Variants in DPP6 observed in about 807,000 individuals in gnomAD.
The protein encoded by DPP6 is dipeptidyl peptidase like 6.
DPP6 carries 69 observed loss-of-function variants against 122.6 expected under a neutral mutation model. The ratio of observed to expected loss-of-function variants is 0.56; its 90% CI spans 0.46 to 0.69. The LOEUF (loss-of-function observed/expected upper bound fraction) is 0.69, where lower values mean the gene tolerates loss of function less well. Among genes scored for constraint, DPP6 ranks in the 30% least tolerant of loss-of-function variants. DPP6 has a pLI of 0.00. For missense variants in DPP6, 928 were observed against 1,116.9 expected (o/e 0.83, Z 2.41); for synonymous variants, 418 against 433.1 (o/e 0.97, Z 0.43).
At position 154,094,125 on chromosome 7, in the gene DPP6, G is replaced by A. The variant is rs1322628249; in HGVS notation, c.243+41062G>A. On this transcript the variant is annotated intron_variant, in intron 1 of 25. Coordinates refer to ENST00000377770, the MANE Select transcript of DPP6 (RefSeq NM_130797.4). The stretch of plus-strand genomic sequence containing the variant: ...TATATTGAATCCTAGCTAGACAGAC[G>A]GTATCCCCGGGAGAACTCCTCCTTG... The A allele has an allele frequency of 2.0e-5, 3 of 152,114 alleles. No homozygotes were observed. In the East Asian group the frequency reaches 5.8e-4, roughly 29 times the overall value. 9.4% of individuals were successfully genotyped at this position (152,114 alleles called of 1,614,324 possible).
rs1400522436 is a variant in DPP6 at position 154,875,376 on chromosome 7, C to T, written c.1884-530C>T. On this transcript the variant is annotated intron_variant, in intron 19 of 25. Transcript: ENST00000377770. The surrounding 1 kb of genome is among the most constrained non-coding windows in gnomAD (Gnocchi z 4.5). ...CTGCCCAGAGCCAATGGCTCCTTGA[C>T]TCCCGAGCAGAGGGAGGGAGAAAGG... is the stretch of plus-strand genomic sequence containing the variant. 6.6e-6 allele frequency among the ~76,000 whole-genome samples: 1 copy of T among 152,110 alleles called. No homozygotes were observed. Among genetic ancestry groups the T allele is most frequent in the African/African-American group, 2.4e-5 (1 of 41,424 alleles).
upstream of DPP6, among the ~76,000 whole-genome samples, chr7:153,886,627 G>A (rs553915208): frequency 1.3e-5 from 2 of 152,324 alleles, no homozygotes; most frequent in African/African-American, 2.4e-5. Context: ...GCTGGTAGCC[G>A]GGCGCTGCCA....
At chr7:153,941,032 G>A (rs996257278) in intron 1 of DPP6, among the ~76,000 whole-genome samples, 1 of 152,082 alleles carries the variant, frequency 6.6e-6, no homozygotes, top group African/African-American at 2.4e-5. Context: ...AACTAACCGC[G>A]GACAGAATCA....
intron 5 of DPP6, chr7:154,587,516 A>G: frequency 2.2e-6 from 2 of 912,594 alleles, no homozygotes; most frequent in Non-Finnish European, 1.6e-6. Flanking sequence ...CTCTGCTTGA[A>G]GACCCAATGT....
chr7:154,206,894 G>A (rs1311914903), intron 1 of DPP6, among the ~76,000 whole-genome samples: 1 of 152,192 alleles, frequency 6.6e-6, no homozygotes, highest in African/African-American at 2.4e-5. Flanking sequence ...CACTTCCAAG[G>A]TGAAGTGCCC....
In DPP6 at chr7:154,245,635, C is replaced by CAAAAAAAAAAAAAAA. The variant is rs71182888; in HGVS notation, c.243+192575_243+192589dup. Among the ~76,000 whole-genome samples the CAAAAAAAAAAAAAAA allele has an allele frequency of 1.2e-3, 122 of 100,600 alleles. 1 individual carries two copies. Among genetic ancestry groups the CAAAAAAAAAAAAAAA allele is most frequent in the East Asian group, 3.2e-3 (10 of 3,168 alleles). 66.0% of individuals were successfully genotyped at this position (100,600 alleles called of 152,430 possible). ...CTGGGCAACAAGAGTAAGACTGTCT[C>CAAAAAAAAAAAAAAA]AAAAAAAAAAAAAAAAAGCTATGGC... On this transcript the variant is annotated intron_variant, in intron 1 of 25. Coordinates refer to ENST00000377770, the MANE Select transcript of DPP6 (RefSeq NM_130797.4).
chr7:154,439,673 A>G (rs755364574), intron 1 of DPP6, among the ~76,000 whole-genome samples: 22 of 147,460 alleles, frequency 1.5e-4, no homozygotes, highest in Admixed American at 1.2e-3. Flanking sequence ...CTATTGCATC[A>G]ATAATTTGCC....
chr7:154,061,894 CAAT>C, intron 1 of DPP6, among the ~76,000 whole-genome samples: 1 of 131,692 alleles, frequency 7.6e-6, no homozygotes, highest in Non-Finnish European at 1.7e-5. Flanking sequence ...GACTGAGAGG[CAAT>C]CCCTCTTCCC....
the DPP6 span, among the ~76,000 whole-genome samples, chr7:153,860,300 C>A: frequency 2.0e-5 from 3 of 152,086 alleles, no homozygotes; most frequent in Non-Finnish European, 4.4e-5. Flanking sequence ...CTCATTGTAC[C>A]CTTCTGGTGC....
At chr7:154,139,760 TC>T (rs1187364199) in intron 1 of DPP6, among the ~76,000 whole-genome samples, 1 of 152,086 alleles carries the variant, frequency 6.6e-6, no homozygotes, top group African/African-American at 2.4e-5. Context: ...CCAGCTATCT[TC>T]CCACTTCATG....
intron 1 of DPP6, among the ~76,000 whole-genome samples, chr7:153,925,069 A>G (rs1800826541): frequency 6.6e-6 from 1 of 152,154 alleles, no homozygotes; most frequent in African/African-American, 2.4e-5. Flanking sequence ...AGTGTGGATG[A>G]TGGAAGCTGT....
intron 1 of DPP6, among the ~76,000 whole-genome samples, chr7:154,276,840 A>G (rs1295956727): frequency 2.0e-5 from 3 of 152,202 alleles, no homozygotes; most frequent in Admixed American, 6.5e-5. Flanking sequence ...AAAACATTGT[A>G]TTACATATAT....
intron 1 of DPP6, among the ~76,000 whole-genome samples, chr7:154,216,930 TAAA>T (rs10558754): frequency 1.4e-5 from 2 of 147,378 alleles, no homozygotes; most frequent in Non-Finnish European, 3.0e-5. Context: ...GAAACCTCTC[TAAA>T]AAAAAAAAAG....
At chr7:154,264,859 AATGATGGTGATCCTG>A (rs1364315503) in intron 1 of DPP6, among the ~76,000 whole-genome samples, 2 of 59,148 alleles carry the variant, frequency 3.4e-5, no homozygotes, top group Non-Finnish European at 7.3e-5. Context: ...TGATAGTGAT[AATGATGGTGATCCTG>A]ATGATGGTGA....
chr7:154,286,930 G>A (rs1019136763), intron 1 of DPP6, among the ~76,000 whole-genome samples: 2 of 151,922 alleles, frequency 1.3e-5, no homozygotes, highest in Non-Finnish European at 1.5e-5. Flanking sequence ...AGCCTCCCGA[G>A]TAGCTGGAAT....
At position 154,486,783 on chromosome 7, in the gene DPP6, G is replaced by A. The variant is rs1823836656; in HGVS notation, c.457+11746G>A. Among the ~76,000 whole-genome samples the A allele has an allele frequency of 6.6e-6, 1 of 152,138 alleles. No individual in the cohort carries two copies. The highest frequency in any genetic ancestry group is 2.4e-5 in the African/African-American group (1 of 41,432). ...AGGTGTGTCTTGGGGCAGGGCAGCC[G>A]ATTTCTTCCACACCACGCTGGTCCC... is the stretch of plus-strand genomic sequence containing the variant. On this transcript the variant is annotated intron_variant, in intron 3 of 25. Coordinates refer to ENST00000377770, the MANE Select transcript of DPP6 (RefSeq NM_130797.4). This position sits in a 1 kb window ranked among gnomAD's most constrained non-coding sequence, Gnocchi z 4.5.
intron 1 of DPP6, among the ~76,000 whole-genome samples, chr7:154,233,111 A>G (rs184145951): frequency 1.6e-3 from 242 of 151,998 alleles, no homozygotes; most frequent in African/African-American, 5.6e-3. Context: ...CTGTGTAGAT[A>G]GTAAGTCTTA....
chr7:154,743,485 C>T (rs1419537314), intron 8 of DPP6, among the ~76,000 whole-genome samples: 1 of 152,050 alleles, frequency 6.6e-6, no homozygotes, highest in South Asian at 2.1e-4. Context: ...GAGAGAAAGT[C>T]GGAGCGGAGT....
At position 154,892,751 on chromosome 7, in the gene DPP6, C is replaced by T. The variant is rs779048037; in HGVS notation, c.*271C>T. 9 of 683,776 alleles carry T rather than the reference C, an allele frequency of 1.3e-5. 1 individual carries two copies. In the Admixed American group the frequency reaches 1.5e-4, roughly 11 times the overall value. The allele number at this position is 683,776 out of a possible 1,614,324, so 42.4% of individuals were successfully genotyped here. ...CCGAGAGACCGGCACGCCACGGCCC[C>T]TCCCCCAAGGAACAGAGCAAAGGAT... On this transcript the variant is annotated 3_prime_UTR_variant, in exon 26 of 26. Coordinates refer to ENST00000377770, the MANE Select transcript of DPP6 (RefSeq NM_130797.4).
Sources: gnomAD v4.1 joint callset for allele counts (sites outside exome capture counted in the v4.1 genomes callset) on GRCh38, gnomAD v4.1.1 for gene constraint, Gnocchi (gnomAD v3.1) non-coding constraint, MANE v1.5 for transcripts, NCBI Gene and HGNC (gene_info 2026-07-23, HGNC 2026-07-21) for gene names.